ATXN10: variants seen among roughly 807,000 people sequenced by gnomAD.
The protein encoded by ATXN10 is ataxin-10.
In ATXN10, 28 loss-of-function variants were observed where a neutral mutation model predicts 52.9. That is an observed-to-expected ratio of 0.53 (90% confidence interval 0.39 to 0.73). ATXN10 has a LOEUF of 0.73. Ranked by LOEUF, ATXN10 falls within the 30% of genes least tolerant of loss-of-function variation. ATXN10 has a pLI of 0.00. For missense variants in ATXN10, 565 were observed against 577.0 expected (o/e 0.98, Z 0.21); for synonymous variants, 226 against 221.5 (o/e 1.02, Z -0.18).
intron 9 of ATXN10, among the ~76,000 whole-genome samples, chr22:45,791,507 G>A (rs1001365606): frequency 6.6e-6 from 1 of 152,006 alleles, no homozygotes; most frequent in African/African-American, 2.4e-5. Flanking sequence ...ATCATAAATA[G>A]GGGCTAAGCA....
At chr22:45,738,946 T>G in intron 8 of ATXN10, 107 bp downstream of exon 8, 1 of 1,041,518 alleles carries the variant, frequency 9.6e-7, no homozygotes, top group South Asian at 1.3e-5. Flanking sequence ...ACTTTGGGAA[T>G]TTTGTGAATA....
intron 10 of ATXN10, 71 bp downstream of exon 10, chr22:45,807,093 C>A: frequency 8.1e-7 from 1 of 1,229,280 alleles, no homozygotes; most frequent in Non-Finnish European, 1.2e-6. Flanking sequence ...TCCCTTGCCT[C>A]ATGTTCATTC....
chr22:45,760,089 C>T (rs539202691), intron 9 of ATXN10, among the ~76,000 whole-genome samples: 3 of 152,302 alleles, frequency 2.0e-5, no homozygotes, highest in South Asian at 2.1e-4. Context: ...AATTCCACAA[C>T]GTGGAACATC....
rs552749121 is a variant in ATXN10 at position 45,754,576 on chromosome 22, T to C, written c.1173+14038T>C. ...GCCACTCAGTGGTGGGAGTGCTGTC[T>C]CAGTAGTCCCGCAAGCCTGTAATCC... On this transcript the variant is annotated intron_variant, in intron 9 of 11. Coordinates refer to ENST00000252934, the MANE Select transcript of ATXN10 (RefSeq NM_013236.4). The surrounding 1 kb of genome is among the most constrained non-coding windows in gnomAD (Gnocchi z 5.4). Among the ~76,000 whole-genome samples the C allele has an allele frequency of 6.6e-6, 1 of 152,158 alleles. No homozygotes were observed. Among genetic ancestry groups the C allele is most frequent in the East Asian group, 1.9e-4 (1 of 5,144 alleles).
In ATXN10 at chr22:45,708,354, T is replaced by C. The variant is rs531942461; in HGVS notation, c.647+5507T>C. ...GGACTGCCTCGTGCTGATCCTGTGA[T>C]GTGTTGGTTGCTTTGTCTGTGTAAT... On this transcript the variant is annotated intron_variant, in intron 5 of 11. Coordinates refer to ENST00000252934, the MANE Select transcript of ATXN10 (RefSeq NM_013236.4). The surrounding 1 kb of genome is among the most constrained non-coding windows in gnomAD (Gnocchi z 5.3). Among the ~76,000 whole-genome samples the C allele has an allele frequency of 8.5e-5, 13 of 152,318 alleles. No individual in the cohort carries two copies. Among genetic ancestry groups the C allele is most frequent in the African/African-American group, 3.1e-4 (13 of 41,570 alleles).
At chr22:45,811,275 C>T (rs1928270199) in intron 10 of ATXN10, among the ~76,000 whole-genome samples, 3 of 152,104 alleles carry the variant, frequency 2.0e-5, no homozygotes, top group African/African-American at 7.2e-5. Context: ...AAATGATTTT[C>T]TGCCTAATAT....
intron 10 of ATXN10, among the ~76,000 whole-genome samples, chr22:45,821,145 C>T (rs1329343439): frequency 6.6e-6 from 1 of 152,074 alleles, no homozygotes; most frequent in Non-Finnish European, 1.5e-5. Context: ...AAATATTTTC[C>T]CAGTTTTTTG....
chr22:45,817,477 A>G (rs1444422326), intron 10 of ATXN10, among the ~76,000 whole-genome samples: 1 of 152,018 alleles, frequency 6.6e-6, no homozygotes, highest in Non-Finnish European at 1.5e-5. Flanking sequence ...GGCCCATGCC[A>G]CGACGCCTGG....
In ATXN10 at chr22:45,833,140, AAATGAG is replaced by A. The variant is rs1478656225; in HGVS notation, c.1238-9848_1238-9843del. Among the ~76,000 whole-genome samples, 2 of 152,232 alleles carry A rather than the reference AAATGAG, an allele frequency of 1.3e-5. No homozygotes were observed. The highest frequency in any genetic ancestry group is 2.9e-5 in the Non-Finnish European group (2 of 68,038). On this transcript the variant is annotated intron_variant, in intron 10 of 11. Coordinates refer to ENST00000252934, the MANE Select transcript of ATXN10 (RefSeq NM_013236.4). The surrounding 1 kb of genome is among the most constrained non-coding windows in gnomAD (Gnocchi z 4.3). ...GTTAGAAGTGAAAGCAGACAGCATG[AAATGAG>A]AACCTCTCTCCTGTGCTGACTTTGC...
intron 10 of ATXN10, among the ~76,000 whole-genome samples, chr22:45,839,840 A>C (rs1929287043): frequency 6.6e-6 from 1 of 152,220 alleles, no homozygotes; most frequent in Non-Finnish European, 1.5e-5. Context: ...AACCCTAAAA[A>C]GCCCTGGGTC....
Position 45,784,180 on chromosome 22 carries a change from T to A in ATXN10, c.1174-22779T>A, listed in dbSNP as rs545614881. On this transcript the variant is annotated intron_variant, in intron 9 of 11. Coordinates refer to ENST00000252934, the MANE Select transcript of ATXN10 (RefSeq NM_013236.4). The surrounding 1 kb of genome is among the most constrained non-coding windows in gnomAD (Gnocchi z 4.2). ...CCTGCAATTTGTGTGGTACAATTTTTAAAAAAAAATGTACATTTTTAAATT... is the reference window on the plus strand; with the variant it reads ...CCTGCAATTTGTGTGGTACAATTTTAAAAAAAAAATGTACATTTTTAAATT... Among the ~76,000 whole-genome samples the A allele has an allele frequency of 2.1e-4, 32 of 152,316 alleles. No homozygotes were observed. The highest frequency in any genetic ancestry group is 3.8e-4 in the Non-Finnish European group (26 of 68,026).
At position 45,775,288 on chromosome 22, in the gene ATXN10, G is replaced by A. The variant is rs931052814; in HGVS notation, c.1174-31671G>A. On this transcript the variant is annotated intron_variant, in intron 9 of 11. Coordinates refer to ENST00000252934, the MANE Select transcript of ATXN10 (RefSeq NM_013236.4). This position sits in a 1 kb window ranked among gnomAD's most constrained non-coding sequence, Gnocchi z 4.7. The stretch of plus-strand genomic sequence containing the variant: ...GGCATGGGGCTGTGTCCCTGTCCCT[G>A]TGTTCACATCTGGACCTCAACATAG... 9.2e-5 allele frequency among the ~76,000 whole-genome samples: 14 copies of A among 152,204 alleles called. No homozygotes were observed. Among genetic ancestry groups the A allele is most frequent in the Admixed American group, 2.6e-4 (4 of 15,290 alleles).
intron 9 of ATXN10, among the ~76,000 whole-genome samples, chr22:45,804,077 A>G (rs1928019060): frequency 6.6e-6 from 1 of 152,212 alleles, no homozygotes; most frequent in Non-Finnish European, 1.5e-5. Context: ...ATAAGAATTC[A>G]AGCCCAAATT....
At chr22:45,778,567 T>G (rs1317098306) in intron 9 of ATXN10, among the ~76,000 whole-genome samples, 1 of 152,130 alleles carries the variant, frequency 6.6e-6, no homozygotes, top group Non-Finnish European at 1.5e-5. Flanking sequence ...AAGTCCGCGT[T>G]TACTATTCTT....
At chr22:45,793,633 T>A in intron 9 of ATXN10, 1 of 1,375,912 alleles carries the variant, frequency 7.3e-7, no homozygotes, top group Non-Finnish European at 9.5e-7. Context: ...CACAGTCTGT[T>A]CCACCAGCCT....
intron 7 of ATXN10, among the ~76,000 whole-genome samples, chr22:45,737,270 G>A (rs557844200): frequency 5.9e-5 from 9 of 152,314 alleles, no homozygotes; most frequent in African/African-American, 1.4e-4. Context: ...CTGTAATAGC[G>A]TCTTTGTTGT....
chr22:45,741,063 A>G (rs1925516131), intron 9 of ATXN10, among the ~76,000 whole-genome samples: 1 of 152,192 alleles, frequency 6.6e-6, no homozygotes, highest in Non-Finnish European at 1.5e-5. Context: ...GAGAATGGTA[A>G]GAAAGATCTC....
At chr22:45,741,310 C>A (rs1008010202) in intron 9 of ATXN10, among the ~76,000 whole-genome samples, 1 of 152,210 alleles carries the variant, frequency 6.6e-6, no homozygotes, top group East Asian at 1.9e-4. Flanking sequence ...TCTGGGCAGG[C>A]CCTGTGGCTG....
intron 9 of ATXN10, among the ~76,000 whole-genome samples, chr22:45,796,849 A>G (rs1246944327): frequency 6.6e-6 from 1 of 152,210 alleles, no homozygotes; most frequent in African/African-American, 2.4e-5. Flanking sequence ...GATAAGAAAT[A>G]TACTTTGAAT....
Sources: allele counts gnomAD v4.1 joint callset (sites outside exome capture counted in the v4.1 genomes callset), GRCh38; gene constraint gnomAD v4.1.1; non-coding constraint Gnocchi (gnomAD v3.1); transcripts MANE v1.5; gene names NCBI Gene and HGNC (gene_info 2026-07-23, HGNC 2026-07-21).